Variants in DSCAM observed in about 807,000 individuals in gnomAD.
DSCAM encodes the protein cell adhesion molecule DSCAM.
Under a neutral mutation model 217.7 loss-of-function variants are expected in DSCAM, and 47 were observed. The ratio of observed to expected loss-of-function variants is 0.22; its 90% CI spans 0.17 to 0.28. DSCAM has a LOEUF of 0.28. Among genes scored for constraint, DSCAM ranks in the 10% least tolerant of loss-of-function variants. The pLI is 1.00. For synonymous variants in DSCAM, 1,056 were observed against 1,015.3 expected (o/e 1.04, Z -0.76); for missense variants, 2,080 against 2,618.3 (o/e 0.79, Z 4.49).
At chr21:40,402,717 A>G (rs948760199) in intron 3 of DSCAM, among the ~76,000 whole-genome samples, 3 of 151,414 alleles carry the variant, frequency 2.0e-5, no homozygotes, top group African/African-American at 7.3e-5. Context: ...ATTTAACAAC[A>G]ATTTCTTGAA....
At chr21:40,693,518 GAA>G (rs2090562854) in intron 2 of DSCAM, among the ~76,000 whole-genome samples, 1 of 152,124 alleles carries the variant, frequency 6.6e-6, no homozygotes, top group Non-Finnish European at 1.5e-5. Context: ...CTTCATGAAA[GAA>G]AAGTTACTGG....
At chr21:40,043,926 A>G in intron 31 of DSCAM, 152 bp downstream of exon 31, 1 of 773,940 alleles carries the variant, frequency 1.3e-6, no homozygotes, top group South Asian at 1.8e-5. Flanking sequence ...AGTAACTGTT[A>G]GATAAACCGC....
intron 3 of DSCAM, among the ~76,000 whole-genome samples, chr21:40,451,216 T>C (rs143912808): frequency 5.3e-4 from 81 of 152,284 alleles, no homozygotes; most frequent in African/African-American, 1.9e-3. Flanking sequence ...AGGGCCACAA[T>C]GTAAGAGAAG....
chr21:40,231,019 T>TTA (rs2091376911), intron 11 of DSCAM, among the ~76,000 whole-genome samples: 1 of 151,894 alleles, frequency 6.6e-6, no homozygotes, highest in South Asian at 2.1e-4. Flanking sequence ...GCTTTTTTTT[T>TTA]TTTTTCACAA....
At chr21:40,740,208 C>T (rs2248626) in intron 1 of DSCAM, among the ~76,000 whole-genome samples, 122,072 of 152,020 alleles carry the variant, frequency 0.8, 49,392 homozygotes, top group African/African-American at 0.89. Flanking sequence ...AAGTCTTCTT[C>T]GAGATTTGAA....
intron 11 of DSCAM, among the ~76,000 whole-genome samples, chr21:40,224,583 A>G (rs2091315222): frequency 6.6e-6 from 1 of 152,216 alleles, no homozygotes; most frequent in African/African-American, 2.4e-5. Flanking sequence ...CACTAAAATT[A>G]TCAATAACGT....
intron 3 of DSCAM, among the ~76,000 whole-genome samples, chr21:40,605,205 C>G (rs1408568998): frequency 6.6e-6 from 1 of 152,168 alleles, no homozygotes; most frequent in Admixed American, 6.5e-5. Flanking sequence ...ATTGAACTTA[C>G]CATTTACGTG....
intron 1 of DSCAM, among the ~76,000 whole-genome samples, chr21:40,730,942 A>C (rs911642640): frequency 7.2e-5 from 11 of 152,232 alleles, no homozygotes; most frequent in Non-Finnish European, 1.6e-4. Context: ...TATGACCCCA[A>C]GTCACTACCT....
intron 32 of DSCAM, among the ~76,000 whole-genome samples, chr21:40,037,811 A>G (rs2088655550): frequency 7.1e-6 from 1 of 141,636 alleles, no homozygotes; most frequent in Non-Finnish European, 1.5e-5. Flanking sequence ...ACTGGTACCA[A>G]AACACAGATA....
intron 21 of DSCAM, among the ~76,000 whole-genome samples, chr21:40,093,045 G>A (rs2089631042): frequency 6.6e-6 from 1 of 152,104 alleles, no homozygotes; most frequent in Non-Finnish European, 1.5e-5. Flanking sequence ...CTCAAAATTA[G>A]GGGCAACTCC....
At chr21:40,799,934 T>C (rs906391192) in intron 1 of DSCAM, among the ~76,000 whole-genome samples, 3 of 152,226 alleles carry the variant, frequency 2.0e-5, no homozygotes, top group Admixed American at 2.0e-4. Flanking sequence ...CTGAAACTCA[T>C]GTTGAAACTT....
chr21:40,099,090 C>A (rs2146605065), intron 20 of DSCAM, among the ~76,000 whole-genome samples: 1 of 152,246 alleles, frequency 6.6e-6, no homozygotes, highest in South Asian at 2.1e-4. Context: ...ATTACTCTTA[C>A]TGAACATTAA....
intron 8 of DSCAM, among the ~76,000 whole-genome samples, chr21:40,321,411 C>G (rs1406411908): frequency 6.6e-6 from 1 of 152,152 alleles, no homozygotes; most frequent in East Asian, 1.9e-4. Context: ...GTAGTGATAG[C>G]AAAATATTTT....
At chr21:40,287,908 A>C (rs2073847157) in intron 10 of DSCAM, among the ~76,000 whole-genome samples, 1 of 152,156 alleles carries the variant, frequency 6.6e-6, no homozygotes, top group African/African-American at 2.4e-5. Context: ...CCTCCAGGGA[A>C]ATATGGAATT....
chr21:40,325,014 C>G (rs748282507), intron 8 of DSCAM, among the ~76,000 whole-genome samples: 2 of 151,836 alleles, frequency 1.3e-5, no homozygotes, highest in Non-Finnish European at 2.9e-5. Flanking sequence ...TAAAACTTGG[C>G]TTATTTTTCC....
chr21:40,081,903 C>T (rs549966160), intron 24 of DSCAM, among the ~76,000 whole-genome samples: 1 of 152,184 alleles, frequency 6.6e-6, no homozygotes, highest in Non-Finnish European at 1.5e-5. Context: ...TCTGACACAC[C>T]CTTCTTGTTC....
At chr21:40,376,759 T>C (rs1326640963) in intron 3 of DSCAM, among the ~76,000 whole-genome samples, 1 of 149,890 alleles carries the variant, frequency 6.7e-6, no homozygotes, top group Non-Finnish European at 1.5e-5. Context: ...CATGCAGGCA[T>C]GAACGAGCTA....
At chr21:40,741,686 C>A (rs1021507776) in intron 1 of DSCAM, among the ~76,000 whole-genome samples, 1 of 152,212 alleles carries the variant, frequency 6.6e-6, no homozygotes, top group East Asian at 1.9e-4. Flanking sequence ...CACCTGGATA[C>A]TTCTTAGAAA....
chr21:40,125,636 AT>A (rs572305276), intron 19 of DSCAM, among the ~76,000 whole-genome samples: 137 of 152,366 alleles, frequency 9.0e-4, no homozygotes, highest in Middle Eastern at 3.4e-3. Flanking sequence ...CATAGTCACC[AT>A]TTGAAAATAT....
Sources: gnomAD v4.1 joint callset for allele counts (sites outside exome capture counted in the v4.1 genomes callset) on GRCh38, gnomAD v4.1.1 for gene constraint, MANE v1.5 for transcripts, NCBI Gene and HGNC (gene_info 2026-07-23, HGNC 2026-07-21) for gene names.